The following AGPAT3 variants were observed in gnomAD, a reference collection of about 807,000 sequenced individuals.
The protein encoded by AGPAT3 is 1-acylglycerol-3-phosphate O-acyltransferase 3, also known as 1-acyl-sn-glycerol-3-phosphate acyltransferase gamma.
AGPAT3 carries 5 observed loss-of-function variants against 47.3 expected under a neutral mutation model. The ratio of observed to expected loss-of-function variants is 0.11; its 90% confidence interval spans 0.06 to 0.22. The LOEUF (loss-of-function observed/expected upper bound fraction) is 0.22. Ranked by LOEUF, AGPAT3 falls within the 10% of genes least tolerant of loss-of-function variation. AGPAT3 has a pLI of 1.00. For missense variants in AGPAT3, 315 were observed against 493.0 expected, an observed-to-expected ratio of 0.64 and a Z score of 3.42; for synonymous variants, 212 against 208.3, an observed-to-expected ratio of 1.02 and a Z score of -0.15.
chr21:43,921,801 T>C (rs2086900129), intron 2 of AGPAT3, among the ~76,000 whole-genome samples: 1 of 152,152 alleles, frequency 6.6e-6, no homozygotes, highest in South Asian at 2.1e-4. Context: ...TCTTTTTTTT[T>C]TCCCCCAGGG....
intron 2 of AGPAT3, among the ~76,000 whole-genome samples, chr21:43,945,639 G>GT (rs2087852572): frequency 6.6e-6 from 1 of 152,110 alleles, no homozygotes; most frequent in Non-Finnish European, 1.5e-5. Context: ...CTGGCCCTGT[G>GT]AGGTGACACT....
chr21:43,888,443 A>C (rs1293167362), intron 1 of AGPAT3, among the ~76,000 whole-genome samples: 1 of 152,222 alleles, frequency 6.6e-6, no homozygotes, highest in African/African-American at 2.4e-5. Context: ...CTTAATGCCT[A>C]GGTGATGGGA....
At chr21:43,866,488 C>G (rs1011023689) in intron 1 of AGPAT3, 1 of 152,188 alleles carries the variant, frequency 6.6e-6, no homozygotes, top group Non-Finnish European at 1.5e-5. Context: ...TTAGGAATTG[C>G]TGAACTTCGT....
rs1419625415 is a variant in AGPAT3 at position 43,986,663 on chromosome 21, T to C, written c.*4271T>C. On this transcript the variant is annotated 3_prime_UTR_variant, in exon 10 of 10. Coordinates refer to ENST00000291572, the MANE Select transcript of AGPAT3 (RefSeq NM_020132.5). ...TCAGCAAGATCGCCAGCAAGTACTG[T>C]AACTGTAAAGGAAAATCTCTCTCTC... 1.3e-5 allele frequency: 2 copies of C among 152,608 alleles called. No individual in the cohort carries two copies. The highest frequency in any genetic ancestry group is 4.8e-5 in the African/African-American group (2 of 41,458). 9.5% of individuals were successfully genotyped at this position (152,608 alleles called of 1,614,324 possible).
At chr21:43,944,491 G>C (rs978834575) in intron 2 of AGPAT3, among the ~76,000 whole-genome samples, 2 of 152,354 alleles carry the variant, frequency 1.3e-5, no homozygotes, top group Admixed American at 6.5e-5. Context: ...GGAGGCCGCG[G>C]GAGTCATCGC....
In AGPAT3 at chr21:43,870,569, A is replaced by C. The variant is rs1224799995; in HGVS notation, c.-112+5224A>C. Reference sequence around the variant, plus strand: ...TCTACTTAAAAAAAAAAAAAAACCCAAAAATTAACCAGGTGTGGTGGCGCA... The same window carrying C: ...TCTACTTAAAAAAAAAAAAAAACCCCAAAATTAACCAGGTGTGGTGGCGCA... On this transcript the variant is annotated intron_variant, in intron 1 of 9. Coordinates refer to ENST00000291572, the MANE Select transcript of AGPAT3 (RefSeq NM_020132.5). Among the ~76,000 whole-genome samples, 4 of 151,300 alleles carry C rather than the reference A, an allele frequency of 2.6e-5. No individual in the cohort carries two copies. In the East Asian group the frequency reaches 7.7e-4, roughly 29 times the overall value.
rs536498186 is a variant in AGPAT3 at position 43,972,503 on chromosome 21, A to C, written c.767+1013A>C. ...TGGGGCTTCAGTGCTATGGGGCCCC[A>C]GTCCTGTCCCAATGAAATAAAATGG... On this transcript the variant is annotated intron_variant, in intron 7 of 9. Transcript: ENST00000291572. 5.7e-4 allele frequency among the ~76,000 whole-genome samples: 87 copies of C among 152,262 alleles called. 3 individuals carry two copies. The Middle Eastern group carries it at 0.01, about 18-fold the overall frequency.
At chr21:43,876,770 G>A (rs1253352456) in intron 1 of AGPAT3, among the ~76,000 whole-genome samples, 1 of 152,164 alleles carries the variant, frequency 6.6e-6, no homozygotes, top group Non-Finnish European at 1.5e-5. Context: ...TTTCCAGGGT[G>A]TTTAAAGCTG....
At position 43,985,154 on chromosome 21, in the gene AGPAT3, C is replaced by T. The variant is rs764095835; in HGVS notation, c.*2762C>T. On this transcript the variant is annotated 3_prime_UTR_variant, in exon 10 of 10. Transcript: ENST00000291572. ...GACGCCGCTGGCCTCCCAGCTTAGG[C>T]CCAGGTGCCAGGTGTCATGGGGTCT... is the stretch of plus-strand genomic sequence containing the variant. 9 of 456,202 alleles carry T rather than the reference C, an allele frequency of 2.0e-5. No individual in the cohort carries two copies. Among genetic ancestry groups the T allele is most frequent in the South Asian group, 1.2e-4 (8 of 64,580 alleles). The allele number at this position is 456,202 out of a possible 1,614,324, so 28.3% of individuals were successfully genotyped here. A position where few individuals can be genotyped will look rare whatever the true frequency, so the allele number is the denominator to read the frequency against.
At chr21:43,881,240 A>G (rs892060654) in intron 1 of AGPAT3, among the ~76,000 whole-genome samples, 5 of 152,144 alleles carry the variant, frequency 3.3e-5, no homozygotes, top group African/African-American at 9.7e-5. Flanking sequence ...ATTTTTTCTT[A>G]AATTAAGAAA....
rs776128659 is a variant in AGPAT3 at position 43,970,755 on chromosome 21, C to T, written c.613C>T (p.Leu205=). 3.7e-6 allele frequency: 6 copies of T among 1,609,260 alleles called. No individual in the cohort carries two copies. In the East Asian group the frequency reaches 6.7e-5, roughly 18 times the overall value. ...GCTTCCTGTCCTCAAGTACCACCTG[C>T]TGCCGCGGACCAAGGGCTTCACCAC... ...KGLPVLKYHL[L]PRTKGFTTAV... is the part of the protein sequence containing the mutation. The change falls in exon 6 of 10, where the codon CTG becomes TTG. Residue 205 remains leucine, a synonymous_variant. Transcript: ENST00000291572. The surrounding 1 kb of genome is among the most constrained non-coding windows in gnomAD (Gnocchi z 5.8).
At position 43,879,762 on chromosome 21, in the gene AGPAT3, G is replaced by GC. The variant is rs576670897; in HGVS notation, c.-112+14420dup. Among the ~76,000 whole-genome samples, 333 of 152,312 alleles carry GC rather than the reference G, an allele frequency of 2.2e-3. 1 individual carries two copies. Among genetic ancestry groups the GC allele is most frequent in the African/African-American group, 7.5e-3 (310 of 41,570 alleles). On this transcript the variant is annotated intron_variant, in intron 1 of 9. Transcript: ENST00000291572. ...CTGCACTCTGAGTCCTGGCTGGGCC[G>GC]CCCGGGGATGATGGCACTTAGGGAA... is the stretch of plus-strand genomic sequence containing the variant.
chr21:43,904,724 C>T (rs995607417), intron 2 of AGPAT3, among the ~76,000 whole-genome samples: 1 of 152,192 alleles, frequency 6.6e-6, no homozygotes, highest in Non-Finnish European at 1.5e-5. Context: ...ATGTGTTCCA[C>T]CCCCGTTCCC....
intron 1 of AGPAT3, among the ~76,000 whole-genome samples, chr21:43,871,834 A>G (rs184053675): frequency 6.6e-6 from 1 of 152,130 alleles, no homozygotes; most frequent in Admixed American, 6.5e-5. Flanking sequence ...TGCATTATAT[A>G]TTTTTCCCAG....
At chr21:43,964,508 G>T (rs1192361814) in intron 3 of AGPAT3, among the ~76,000 whole-genome samples, 1 of 151,962 alleles carries the variant, frequency 6.6e-6, no homozygotes, top group African/African-American at 2.4e-5. Context: ...GATTTTAATG[G>T]TAACTTTGTT....
chr21:43,901,964 G>T (rs1197770528), intron 1 of AGPAT3, among the ~76,000 whole-genome samples: 6 of 152,202 alleles, frequency 3.9e-5, no homozygotes, highest in African/African-American at 7.2e-5. Flanking sequence ...AGTAACATAT[G>T]AAACTGATTT....
chr21:43,916,827 C>A (rs950038547), intron 2 of AGPAT3, among the ~76,000 whole-genome samples: 1 of 152,154 alleles, frequency 6.6e-6, no homozygotes, highest in South Asian at 2.1e-4. Context: ...TCTTCCCATG[C>A]GTGGTTTCTG....
rs1257781232 is a variant in AGPAT3 at position 43,930,081 on chromosome 21, C to T, written c.-49+26062C>T. ...CACTTCTGTGTACATCATCCAGCCCCGTTTTCACGTTCAGGAAGTCACGAA... is the reference window on the plus strand; with the variant it reads ...CACTTCTGTGTACATCATCCAGCCCTGTTTTCACGTTCAGGAAGTCACGAA... On this transcript the variant is annotated intron_variant, in intron 2 of 9. Transcript: ENST00000291572. This position sits in a 1 kb window ranked among gnomAD's most constrained non-coding sequence, Gnocchi z 5.0. Among the ~76,000 whole-genome samples the T allele has an allele frequency of 6.6e-6, 1 of 152,198 alleles. No homozygotes were observed. Among genetic ancestry groups the T allele is most frequent in the Admixed American group, 6.5e-5 (1 of 15,286 alleles).
At position 43,986,362 on chromosome 21, in the gene AGPAT3, A is replaced by G. The variant is rs1569118298; in HGVS notation, c.*3970A>G. The G allele has an allele frequency of 1.3e-5, 2 of 152,480 alleles. No homozygotes were observed. 9.4% of individuals were successfully genotyped at this position (152,480 alleles called of 1,614,324 possible). A position where few individuals can be genotyped will look rare whatever the true frequency, so the allele number is the denominator to read the frequency against. Reference sequence around the variant, plus strand: ...GGCAACAGCAGCGTACGCTTTTCAAAGATCATTGAGTTGTCTTAGAATTTG... The same window carrying G: ...GGCAACAGCAGCGTACGCTTTTCAAGGATCATTGAGTTGTCTTAGAATTTG... On this transcript the variant is annotated 3_prime_UTR_variant, in exon 10 of 10. Coordinates refer to ENST00000291572, the MANE Select transcript of AGPAT3 (RefSeq NM_020132.5).
Sources: allele counts gnomAD v4.1 joint callset (sites outside exome capture counted in the v4.1 genomes callset), GRCh38; gene constraint gnomAD v4.1.1; non-coding constraint Gnocchi (gnomAD v3.1); transcripts MANE v1.5; gene names NCBI Gene and HGNC (gene_info 2026-07-23, HGNC 2026-07-21).